MRPS5: variants seen among roughly 807,000 people sequenced by gnomAD.
MRPS5 encodes the protein mitochondrial ribosomal protein S5, also known as small ribosomal subunit protein uS5m.
Under a neutral mutation model 51.9 loss-of-function variants are expected in MRPS5, and 27 were observed. The observed-to-expected ratio is 0.52, with a 90% confidence interval of 0.38 to 0.72. The LOEUF (loss-of-function observed/expected upper bound fraction) is 0.72. Ranked by LOEUF, MRPS5 falls within the 30% of genes least tolerant of loss-of-function variation. The pLI, the probability that MRPS5 is intolerant of heterozygous loss-of-function variation, is 0.00. For missense variants in MRPS5, 570 were observed against 545.7 expected (o/e 1.04, Z -0.44); for synonymous variants, 196 against 193.2 (o/e 1.01, Z -0.12).
chr2:95,115,443 A>C (rs1431517529), intron 2 of MRPS5, among the ~76,000 whole-genome samples: 1 of 152,200 alleles, frequency 6.6e-6, no homozygotes, highest in Admixed American at 6.5e-5. Flanking sequence ...GTAAAGAAAG[A>C]AGCAGATTTG....
At chr2:95,108,870 AT>A (rs1558684078) in intron 4 of MRPS5, among the ~76,000 whole-genome samples, 1 of 152,086 alleles carries the variant, frequency 6.6e-6, no homozygotes, top group Middle Eastern at 3.4e-3. Flanking sequence ...TATAATCTAA[AT>A]TTTTTTTAAA....
chr2:95,114,370 G>A (rs1431176281), intron 3 of MRPS5, among the ~76,000 whole-genome samples: 1 of 150,948 alleles, frequency 6.6e-6, no homozygotes, highest in Non-Finnish European at 1.5e-5. Context: ...CCATTCTCCT[G>A]CCTCAGCCTC....
chr2:95,089,835 A>C (rs1392905160), intron 11 of MRPS5, among the ~76,000 whole-genome samples: 1 of 152,200 alleles, frequency 6.6e-6, no homozygotes, highest in Non-Finnish European at 1.5e-5. Flanking sequence ...GATTGTAATT[A>C]TTGGCTTTAA....
chr2:95,105,959 G>A (rs576126056), intron 6 of MRPS5, among the ~76,000 whole-genome samples: 4 of 152,102 alleles, frequency 2.6e-5, no homozygotes, highest in Non-Finnish European at 5.9e-5. Context: ...ACCTGATACA[G>A]ACTTTAGTTT....
upstream of MRPS5, chr2:95,121,996 G>A (rs543830516): frequency 3.6e-6 from 2 of 547,992 alleles, no homozygotes; most frequent in Non-Finnish European, 6.0e-6. Flanking sequence ...ACAGCCCCGC[G>A]GGCGCCTCCC....
chr2:95,089,182 G>A (rs1009103997), intron 11 of MRPS5, among the ~76,000 whole-genome samples: 3 of 152,148 alleles, frequency 2.0e-5, no homozygotes, highest in Non-Finnish European at 2.9e-5. Context: ...CAATTTACAA[G>A]TGCTCTGAAG....
chr2:95,088,278 T>C (rs1459238413), intron 11 of MRPS5, among the ~76,000 whole-genome samples: 2 of 152,242 alleles, frequency 1.3e-5, no homozygotes, highest in Non-Finnish European at 2.9e-5. Flanking sequence ...TTTTCGAAGA[T>C]ACATACTAAA....
chr2:95,107,838 T>C (rs891280376), intron 5 of MRPS5, among the ~76,000 whole-genome samples: 2 of 152,210 alleles, frequency 1.3e-5, no homozygotes, highest in Non-Finnish European at 2.9e-5. Flanking sequence ...TCCCAAGCCA[T>C]GCTGCTCCAC....
At chr2:95,118,833 T>C (rs1344656380) in intron 1 of MRPS5, among the ~76,000 whole-genome samples, 1 of 152,138 alleles carries the variant, frequency 6.6e-6, no homozygotes, top group Non-Finnish European at 1.5e-5. Context: ...CCTCACACCA[T>C]ATATAAAAAT....
chr2:95,100,960 C>G (rs1675782207), intron 8 of MRPS5, 66 bp from the exon 9 acceptor site: 1 of 1,364,614 alleles, frequency 7.3e-7, no homozygotes, highest in Non-Finnish European at 1.0e-6. Flanking sequence ...ATTCCAAAAA[C>G]ACTTTTAATA....
At chr2:95,118,668 G>A (rs1026264095) in intron 1 of MRPS5, among the ~76,000 whole-genome samples, 2 of 152,222 alleles carry the variant, frequency 1.3e-5, no homozygotes, top group African/African-American at 4.8e-5. Flanking sequence ...CTCACACAGT[G>A]TGGTACTCCA....
intron 10 of MRPS5, among the ~76,000 whole-genome samples, chr2:95,099,213 C>T (rs1034021349): frequency 6.6e-5 from 10 of 150,450 alleles, no homozygotes; most frequent in African/African-American, 1.5e-4. Context: ...CCACCGTGCC[C>T]GGCCAAAAAT....
rs759372962 is a variant in MRPS5, at chr2:95,100,469, G to A, written c.931+5C>T. Reference sequence around the variant, plus strand: ...ATCAACAAATGGTAAGAGTTTTAAAGTTACCTTTGGGTTGTTTCTTCATCT... The same window carrying A: ...ATCAACAAATGGTAAGAGTTTTAAAATTACCTTTGGGTTGTTTCTTCATCT... On this transcript the variant is annotated splice_donor_5th_base_variant and intron_variant, in intron 10 of 11. Transcript: ENST00000272418. 6.3e-7 allele frequency: 1 copy of A among 1,590,636 alleles called. No homozygotes were observed. The highest frequency in any genetic ancestry group is 1.1e-5 in the South Asian group (1 of 90,316).
chr2:95,109,992 T>C lies in MRPS5; in HGVS notation c.327A>G (p.Gly109=). The stretch of plus-strand genomic sequence containing the variant: ...TTCTTTTGCCTCTTCCTTTTTTTGC[T>C]CCAGCACCAGTCTCTGCTAAAGCGC... ...WKGALAETGA[G]AKKGRGKRTK... Residue 109 remains glycine, a synonymous_variant, in exon 4 of 12, where the codon GGA becomes GGG. Transcript: ENST00000272418. 1 of 1,614,160 alleles carries C rather than the reference T, an allele frequency of 6.2e-7. No homozygotes were observed. Among genetic ancestry groups the C allele is most frequent in the Non-Finnish European group, 8.5e-7 (1 of 1,179,996 alleles).
intron 7 of MRPS5, among the ~76,000 whole-genome samples, chr2:95,103,251 A>G (rs1272083072): frequency 1.3e-5 from 2 of 152,232 alleles, no homozygotes. Context: ...AGCTTATACC[A>G]TTCAATAAGA....
chr2:95,104,781 A>AGGGAACTG (rs1473849308), intron 6 of MRPS5, 51 bp from the exon 7 acceptor site: 1 of 1,542,452 alleles, frequency 6.5e-7, no homozygotes, highest in Admixed American at 1.7e-5. Flanking sequence ...AATCTGAAGG[A>AGGGAACTG]GGGAACTGGA....
chr2:95,098,528 C>T (rs1485490591), intron 10 of MRPS5, among the ~76,000 whole-genome samples: 1 of 152,136 alleles, frequency 6.6e-6, no homozygotes, highest in African/African-American at 2.4e-5. Context: ...GGATGAGTTT[C>T]ATGTCCTTCG....
At chr2:95,114,907 G>C (rs149308126) in intron 3 of MRPS5, among the ~76,000 whole-genome samples, 159 bp downstream of exon 3, 13 of 152,282 alleles carry the variant, frequency 8.5e-5, no homozygotes, top group South Asian at 8.3e-4. Context: ...TAGCATGTGA[G>C]ATAATTCTAG....
Position 95,090,390 on chromosome 2 carries a change from C to A in MRPS5, c.1064G>T (p.Arg355Ile), listed in dbSNP as rs139121782. ...LTQGLFRGLS[R>I]QETHQQLADK... The stretch of plus-strand genomic sequence containing the variant: ...CAGACCCCGGGAAAGGATTACCTGT[C>A]TGGAGAGCCCACGGAAGAGGCCCTG... Residue 355 changes from arginine to isoleucine, a missense_variant, in exon 11 of 12, where the codon AGA (arginine) becomes ATA (isoleucine). Transcript: ENST00000272418. The A allele has an allele frequency of 1.2e-6, 2 of 1,613,508 alleles. No homozygotes were observed. The highest frequency in any genetic ancestry group is 1.7e-6 in the Non-Finnish European group (2 of 1,179,978).
Sources: allele counts gnomAD v4.1 joint callset (sites outside exome capture counted in the v4.1 genomes callset), GRCh38; gene constraint gnomAD v4.1.1; transcripts MANE v1.5; gene names NCBI Gene and HGNC (gene_info 2026-07-23, HGNC 2026-07-21).